The following SSH2 variants were observed in gnomAD, a reference collection of about 807,000 sequenced individuals.
The protein encoded by SSH2 is slingshot protein phosphatase 2.
SSH2 carries 37 observed loss-of-function variants against 135.2 expected under a neutral mutation model. That is an observed-to-expected ratio of 0.27 (90% CI 0.21 to 0.36). The LOEUF (loss-of-function observed/expected upper bound fraction) is 0.36. Ranked by LOEUF, SSH2 falls within the 10% of genes least tolerant of loss-of-function variation. The pLI, the probability that SSH2 is intolerant of heterozygous loss-of-function variation, is 1.00. For missense variants in SSH2, 1,408 were observed against 1,765.3 expected, an observed-to-expected ratio of 0.80 and a Z score of 3.63; for synonymous variants, 628 against 646.2, an observed-to-expected ratio of 0.97 and a Z score of 0.43.
intron 1 of SSH2, among the ~76,000 whole-genome samples, chr17:29,885,111 C>A (rs963917546): frequency 2.0e-5 from 3 of 152,078 alleles, no homozygotes; most frequent in African/African-American, 7.2e-5. Flanking sequence ...TTGGCTCTTG[C>A]CTACTTAGTT....
chr17:29,761,327 C>T, intron 3 of SSH2: 2 of 1,135,022 alleles, frequency 1.8e-6, no homozygotes, highest in Non-Finnish European at 2.2e-6. Flanking sequence ...TGCTCTGCTC[C>T]GGCACGAGGC....
chr17:29,631,491 C>T lies in SSH2; in HGVS notation c.3703G>A (p.Val1235Ile), dbSNP rs200135989. The T allele has an allele frequency of 5.6e-6, 9 of 1,614,188 alleles. No homozygotes were observed. Among genetic ancestry groups the T allele is most frequent in the South Asian group, 3.3e-5 (3 of 91,078 alleles). Residue 1235 changes from valine to isoleucine, a missense_variant, in exon 16 of 16, where the codon GTA (valine) becomes ATA (isoleucine). Physicochemically the swap from Val to Ile is conservative, Grantham distance 29 (BLOSUM62 3). Coordinates refer to ENST00000540801, the MANE Select transcript of SSH2 (RefSeq NM_001282129.2). Reference protein sequence around the residue: ...ELQEKMDPLPVACRLPHSSSS... With the variant: ...ELQEKMDPLPIACRLPHSSSS... ...GAGCTATGTGGGAGTCGACAGGCTA[C>T]AGGCAATGGGTCCATTTTCTCCTGT...
intron 2 of SSH2, among the ~76,000 whole-genome samples, chr17:29,812,686 C>G (rs1355254244): frequency 1.3e-5 from 2 of 152,038 alleles, no homozygotes; most frequent in Non-Finnish European, 2.9e-5. Flanking sequence ...GTCAGGAGAT[C>G]GAGACCATCC....
chr17:29,761,858 T>C (rs1265129702), intron 3 of SSH2, among the ~76,000 whole-genome samples: 1 of 134,326 alleles, frequency 7.4e-6, no homozygotes, highest in East Asian at 2.0e-4. Context: ...TGTGTGTGTG[T>C]GTGTGTGTGT....
At chr17:29,906,182 C>T (rs1466495423) in intron 1 of SSH2, among the ~76,000 whole-genome samples, 4 of 152,122 alleles carry the variant, frequency 2.6e-5, no homozygotes, top group Admixed American at 2.6e-4. Flanking sequence ...TAACTGGCCA[C>T]AGAGGTTTCC....
intron 1 of SSH2, among the ~76,000 whole-genome samples, chr17:29,885,741 T>C (rs1395584291): frequency 6.6e-6 from 1 of 152,188 alleles, no homozygotes; most frequent in Non-Finnish European, 1.5e-5. Context: ...TCATGGAGGC[T>C]GGTTTTTCCT....
intron 2 of SSH2, among the ~76,000 whole-genome samples, chr17:29,844,948 C>T (rs556967605): frequency 6.6e-6 from 1 of 152,338 alleles, no homozygotes; most frequent in African/African-American, 2.4e-5. Flanking sequence ...ATGATTTTCT[C>T]CTTTCCTTTT....
chr17:29,773,618 T>C (rs1465007519), intron 3 of SSH2, among the ~76,000 whole-genome samples: 1 of 152,220 alleles, frequency 6.6e-6, no homozygotes, highest in Non-Finnish European at 1.5e-5. Flanking sequence ...TTATTAAATA[T>C]GAATTTTGTT....
At chr17:29,798,370 G>A (rs1451731359) in intron 2 of SSH2, among the ~76,000 whole-genome samples, 2 of 151,902 alleles carry the variant, frequency 1.3e-5, no homozygotes, top group East Asian at 3.9e-4. Flanking sequence ...TATTGGCCAG[G>A]GTGGTCTCGA....
intron 1 of SSH2, among the ~76,000 whole-genome samples, chr17:29,867,225 C>G (rs959205050): frequency 1.3e-5 from 2 of 152,198 alleles, no homozygotes; most frequent in Non-Finnish European, 2.9e-5. Flanking sequence ...AAGGTTAACT[C>G]TGTGTGTGCT....
chr17:29,699,828 G>T (rs2038905729), intron 4 of SSH2, among the ~76,000 whole-genome samples: 1 of 152,076 alleles, frequency 6.6e-6, no homozygotes, highest in Non-Finnish European at 1.5e-5. Context: ...CAAGTTTTTT[G>T]GGGAAGTGTC....
chr17:29,859,214 A>G (rs118083728), intron 1 of SSH2, among the ~76,000 whole-genome samples: 2,626 of 152,094 alleles, frequency 0.017, 33 homozygotes, highest in South Asian at 0.047. Flanking sequence ...TCTATCTTCA[A>G]TATCGGTAAA....
At chr17:29,770,389 G>A (rs574584892) in intron 3 of SSH2, among the ~76,000 whole-genome samples, 61 of 152,008 alleles carry the variant, frequency 4.0e-4, no homozygotes, top group African/African-American at 1.2e-3. Context: ...GATTACAGGC[G>A]TGGGCCACCT....
chr17:29,629,276 T>C lies in SSH2; in HGVS notation c.*1565A>G, dbSNP rs948669760. 1.3e-5 allele frequency: 2 copies of C among 152,688 alleles called. No individual in the cohort carries two copies. The highest frequency in any genetic ancestry group is 4.8e-5 in the African/African-American group (2 of 41,476). 9.5% of individuals were successfully genotyped at this position (152,688 alleles called of 1,614,324 possible). ...CCTGGCTGAGGCCTCCCCTGTGGCC[T>C]TCAGCCTCTACTAGGAGCTTCCACT... On this transcript the variant is annotated 3_prime_UTR_variant, in exon 16 of 16. Transcript: ENST00000540801.
intron 3 of SSH2, among the ~76,000 whole-genome samples, chr17:29,774,246 T>A (rs1456213625): frequency 6.6e-6 from 1 of 152,104 alleles, no homozygotes; most frequent in East Asian, 1.9e-4. Flanking sequence ...CCAAAACAAA[T>A]AACTTGTAGT....
rs530664683 is a variant in SSH2, at chr17:29,663,174, G to A, written c.1032+3693C>T. On this transcript the variant is annotated intron_variant, in intron 11 of 15. Coordinates refer to ENST00000540801, the MANE Select transcript of SSH2 (RefSeq NM_001282129.2). ...ATCTACACTTTCCCACTCCATACCAGCTGGATACTTTCCCTAATAAACAGA... is the reference window on the plus strand; with the variant it reads ...ATCTACACTTTCCCACTCCATACCAACTGGATACTTTCCCTAATAAACAGA... 3.3e-5 allele frequency among the ~76,000 whole-genome samples: 5 copies of A among 152,350 alleles called. No homozygotes were observed. In the South Asian group the frequency reaches 1.0e-3, roughly 32 times the overall value.
At chr17:29,807,057 G>A (rs930550269) in intron 2 of SSH2, among the ~76,000 whole-genome samples, 2 of 152,106 alleles carry the variant, frequency 1.3e-5, no homozygotes, top group Non-Finnish European at 2.9e-5. Context: ...CATTCTAATT[G>A]TTCATGGATA....
chr17:29,764,157 G>T (rs916933870), intron 3 of SSH2, among the ~76,000 whole-genome samples: 2 of 152,002 alleles, frequency 1.3e-5, no homozygotes, highest in Non-Finnish European at 1.5e-5. Context: ...CACCATGTTG[G>T]CCAGGCTGGT....
intron 2 of SSH2, among the ~76,000 whole-genome samples, chr17:29,831,221 A>G (rs1599058727): frequency 6.6e-6 from 1 of 151,688 alleles, no homozygotes; most frequent in African/African-American, 2.4e-5. Context: ...GTAGAAAGAA[A>G]CCTCCCCCAA....
Sources: gnomAD v4.1 joint callset for allele counts (sites outside exome capture counted in the v4.1 genomes callset) on GRCh38, gnomAD v4.1.1 for gene constraint, MANE v1.5 for transcripts, NCBI Gene and HGNC (gene_info 2026-07-23, HGNC 2026-07-21) for gene names.